The following CNTNAP4 variants were observed in gnomAD, a reference collection of about 807,000 sequenced individuals.
CNTNAP4 encodes the protein contactin associated protein family member 4.
CNTNAP4 carries 98 observed loss-of-function variants against 148.4 expected under a neutral mutation model. That is an observed-to-expected ratio of 0.66 (90% confidence interval 0.56 to 0.78). CNTNAP4 has a LOEUF of 0.78. Ranked by LOEUF, CNTNAP4 falls within the 30% of genes least tolerant of loss-of-function variation. The pLI, the probability that CNTNAP4 is intolerant of heterozygous loss-of-function variation, is 0.00. For missense variants in CNTNAP4, 1,935 were observed against 1,565.6 expected, an observed-to-expected ratio of 1.24 and a Z score of -3.98; for synonymous variants, 730 against 565.1, an observed-to-expected ratio of 1.29 and a Z score of -4.14.
At chr16:76,513,505 G>A (rs896745240) in intron 15 of CNTNAP4, among the ~76,000 whole-genome samples, 3 of 152,104 alleles carry the variant, frequency 2.0e-5, no homozygotes, top group Non-Finnish European at 4.4e-5. Flanking sequence ...ACTAAGTTCT[G>A]TATGCAGGTA....
intron 8 of CNTNAP4, among the ~76,000 whole-genome samples, chr16:76,457,399 C>T (rs1464664376): frequency 1.3e-5 from 2 of 152,212 alleles, no homozygotes; most frequent in Non-Finnish European, 2.9e-5. Flanking sequence ...TCTGAAGGTT[C>T]CCCCACAAAC....
intron 7 of CNTNAP4, among the ~76,000 whole-genome samples, chr16:76,450,356 G>A (rs2080416057): frequency 1.3e-5 from 2 of 152,064 alleles, no homozygotes; most frequent in African/African-American, 2.4e-5. Flanking sequence ...TGCCATGTTA[G>A]CCAGGCTGAT....
intron 14 of CNTNAP4, 54 bp from the exon 15 acceptor site, chr16:76,498,513 C>T (rs1417623720): frequency 6.5e-7 from 1 of 1,530,182 alleles, no homozygotes. Flanking sequence ...TTTTGCAATG[C>T]AATAAGGACT....
chr16:76,406,518 C>A (rs1327627926), intron 3 of CNTNAP4, among the ~76,000 whole-genome samples: 1 of 152,026 alleles, frequency 6.6e-6, no homozygotes, highest in Non-Finnish European at 1.5e-5. Flanking sequence ...AAGACATTGT[C>A]CACCAAGATA....
intron 4 of CNTNAP4, among the ~76,000 whole-genome samples, chr16:76,445,484 G>A (rs1402859282): frequency 1.3e-5 from 2 of 152,090 alleles, no homozygotes; most frequent in South Asian, 2.1e-4. Context: ...TTGCATTGTC[G>A]TGTACCTGTG....
At chr16:76,394,883 C>G (rs1443076372) in intron 3 of CNTNAP4, among the ~76,000 whole-genome samples, 1 of 152,084 alleles carries the variant, frequency 6.6e-6, no homozygotes, top group Non-Finnish European at 1.5e-5. Context: ...TCTTCTCCCC[C>G]AGTCTAAACT....
At chr16:76,313,279 A>G (rs1597156767) in intron 1 of CNTNAP4, among the ~76,000 whole-genome samples, 1 of 152,206 alleles carries the variant, frequency 6.6e-6, no homozygotes, top group South Asian at 2.1e-4. Context: ...CTGAATCTAC[A>G]TAATTGATTT....
intron 3 of CNTNAP4, among the ~76,000 whole-genome samples, chr16:76,362,850 A>T (rs1259414676): frequency 5.9e-5 from 9 of 152,180 alleles, no homozygotes; most frequent in African/African-American, 9.6e-5. Flanking sequence ...AACCACTGTG[A>T]CATACAATTT....
chr16:76,283,730 T>C (rs956329287), intron 1 of CNTNAP4, among the ~76,000 whole-genome samples: 1 of 151,878 alleles, frequency 6.6e-6, no homozygotes, highest in Non-Finnish European at 1.5e-5. Context: ...TACCTGAGTG[T>C]TGAAATAATC....
chr16:76,333,779 G>GTTTTTTT (rs549878036), intron 2 of CNTNAP4, among the ~76,000 whole-genome samples: 3 of 45,610 alleles, frequency 6.6e-5, no homozygotes, highest in East Asian at 6.7e-4. Context: ...TGGGTTATAG[G>GTTTTTTT]TTTTTTTTTT....
chr16:76,380,270 A>C (rs1482031276), intron 3 of CNTNAP4, among the ~76,000 whole-genome samples: 4 of 152,200 alleles, frequency 2.6e-5, no homozygotes, highest in African/African-American at 9.6e-5. Flanking sequence ...GGTGACAGAC[A>C]TCTGTGATTG....
At chr16:76,489,664 T>C (rs775570696) in intron 12 of CNTNAP4, 22 bp from the exon 13 acceptor site, 27 of 1,399,280 alleles carry the variant, frequency 1.9e-5, no homozygotes, top group Non-Finnish European at 2.3e-5. Flanking sequence ...CCTCTCTTTC[T>C]CCCCCCATTT....
rs564998172 is a variant in CNTNAP4 at position 76,535,862 on chromosome 16, G to T, written c.2995+78G>T. ...ATGTCTGGCAGTTCTTTTCTATGCA[G>T]CTATTTGAAACAAAAAAAATTCAAT... On this transcript the variant is annotated intron_variant, in intron 18 of 23. Transcript: ENST00000611870. The T allele has an allele frequency of 1.3e-4, 191 of 1,463,036 alleles. No individual in the cohort carries two copies. In the African/African-American group the frequency reaches 2.5e-3, roughly 19 times the overall value. The allele number at this position is 1,463,036 out of a possible 1,614,324, so 90.6% of individuals were successfully genotyped here.
chr16:76,437,497 G>C (rs1039624635), intron 4 of CNTNAP4, among the ~76,000 whole-genome samples: 2 of 152,060 alleles, frequency 1.3e-5, no homozygotes, highest in Non-Finnish European at 2.9e-5. Flanking sequence ...GGCTCTCACT[G>C]ACCAAAAGTG....
intron 4 of CNTNAP4, among the ~76,000 whole-genome samples, chr16:76,442,378 G>A (rs1282157047): frequency 6.6e-6 from 1 of 152,170 alleles, no homozygotes; most frequent in African/African-American, 2.4e-5. Context: ...AAGAGACTAT[G>A]TTTGTGGTTA....
intron 4 of CNTNAP4, among the ~76,000 whole-genome samples, chr16:76,441,870 G>T (rs965939611): frequency 6.6e-6 from 1 of 151,994 alleles, no homozygotes; most frequent in Non-Finnish European, 1.5e-5. Context: ...TAAAAACTAG[G>T]CAGATAAGCA....
In CNTNAP4 at chr16:76,325,123, T is replaced by C. The variant is rs931658096; in HGVS notation, c.196+8600T>C. Among the ~76,000 whole-genome samples, 28 of 152,134 alleles carry C rather than the reference T, an allele frequency of 1.8e-4. 1 individual carries two copies. The highest frequency in any genetic ancestry group is 6.3e-4 in the African/African-American group (26 of 41,502). On this transcript the variant is annotated intron_variant, in intron 2 of 23. Transcript: ENST00000611870. ...GCACCAAATAACAGAGTTTTAAAAATATGTAAAGGAAAATGGACAGAAATA... is the reference window on the plus strand; with the variant it reads ...GCACCAAATAACAGAGTTTTAAAAACATGTAAAGGAAAATGGACAGAAATA...
rs111525285 is a variant in CNTNAP4, at chr16:76,522,211, C to T, written c.2709C>T (p.Pro903=). ...DQLTPKTQPA[P]ADGHVLLQLN... is the part of the protein sequence containing the mutation. ...TGACACCAAAGACACAGCCCGCCCC[C>T]GCTGATGGGCATGTCCTGTTACAGC... The change falls in exon 17 of 24, where the codon CCC becomes CCT. Residue 903 remains proline, a synonymous_variant. Coordinates refer to ENST00000611870, the MANE Select transcript of CNTNAP4 (RefSeq NM_033401.5). 36 of 1,613,920 alleles carry T rather than the reference C, an allele frequency of 2.2e-5. 1 individual carries two copies. The African/African-American group carries it at 2.8e-4, about 13-fold the overall frequency.
At chr16:76,542,149 G>C (rs1033285795) in intron 21 of CNTNAP4, among the ~76,000 whole-genome samples, 3 of 152,138 alleles carry the variant, frequency 2.0e-5, no homozygotes, top group African/African-American at 7.2e-5. Context: ...CAGATGCATA[G>C]AAAAACATGG....
Sources: gnomAD v4.1 joint callset for allele counts (sites outside exome capture counted in the v4.1 genomes callset) on GRCh38, gnomAD v4.1.1 for gene constraint, MANE v1.5 for transcripts, NCBI Gene and HGNC (gene_info 2026-07-23, HGNC 2026-07-21) for gene names.